Variants in SGCZ observed in about 807,000 individuals in gnomAD.
The protein encoded by SGCZ is sarcoglycan zeta, also known as zeta-sarcoglycan.
Under a neutral mutation model 41.3 loss-of-function variants are expected in SGCZ, and 40 were observed. The ratio of observed to expected loss-of-function variants is 0.97; its 90% CI spans 0.75 to 1.26. The LOEUF is 1.26. Among genes scored for constraint, SGCZ ranks in the 50% most tolerant of loss-of-function variants. SGCZ has a pLI of 0.00. For missense variants in SGCZ, 552 were observed against 369.8 expected, an observed-to-expected ratio of 1.49 and a Z score of -4.04; for synonymous variants, 206 against 137.5, an observed-to-expected ratio of 1.50 and a Z score of -3.49.
At chr8:15,012,726 A>G (rs1802885358) in intron 1 of SGCZ, among the ~76,000 whole-genome samples, 1 of 145,804 alleles carries the variant, frequency 6.9e-6, no homozygotes, top group South Asian at 2.1e-4. Flanking sequence ...AAAGAGAAAT[A>G]TATAAAATAT....
intron 1 of SGCZ, among the ~76,000 whole-genome samples, chr8:14,821,877 A>G (rs1447488150): frequency 1.3e-5 from 2 of 152,148 alleles, no homozygotes; most frequent in Non-Finnish European, 2.9e-5. Context: ...GAAAAAGTCT[A>G]CAGTTTTCAC....
At chr8:15,188,255 TCAG>T (rs1800412302) in intron 1 of SGCZ, among the ~76,000 whole-genome samples, 1 of 152,098 alleles carries the variant, frequency 6.6e-6, no homozygotes, top group Admixed American at 6.5e-5. Context: ...ATTAGTGTGA[TCAG>T]CAGATTACAT....
intron 1 of SGCZ, among the ~76,000 whole-genome samples, chr8:14,646,214 T>C (rs1201320475): frequency 6.7e-6 from 1 of 148,844 alleles, no homozygotes; most frequent in African/African-American, 2.5e-5. Flanking sequence ...CTCCCCCTTC[T>C]CTAGTAGTTG....
intron 3 of SGCZ, among the ~76,000 whole-genome samples, chr8:14,270,813 T>C (rs1800032388): frequency 6.6e-6 from 1 of 152,012 alleles, no homozygotes; most frequent in South Asian, 2.1e-4. Context: ...CCAACAATGA[T>C]ATAGACTGGA....
intron 1 of SGCZ, among the ~76,000 whole-genome samples, chr8:15,076,134 C>T (rs1805521706): frequency 6.6e-6 from 1 of 152,052 alleles, no homozygotes; most frequent in South Asian, 2.1e-4. Flanking sequence ...AATTTAAACA[C>T]ATTACAAAAT....
chr8:14,246,381 G>A (rs1461941415), intron 3 of SGCZ, among the ~76,000 whole-genome samples: 3 of 151,828 alleles, frequency 2.0e-5, no homozygotes, highest in African/African-American at 4.8e-5. Context: ...TCACTCATAG[G>A]TGGGAATTGA....
At chr8:14,606,373 T>C (rs1383851219) in intron 1 of SGCZ, among the ~76,000 whole-genome samples, 1 of 152,198 alleles carries the variant, frequency 6.6e-6, no homozygotes, top group Non-Finnish European at 1.5e-5. Flanking sequence ...CCACAATGGC[T>C]TTGTAATTAG....
intron 2 of SGCZ, among the ~76,000 whole-genome samples, chr8:14,354,369 G>T (rs769518302): frequency 6.6e-5 from 10 of 151,678 alleles, no homozygotes; most frequent in Admixed American, 2.0e-4. Context: ...GCGTAGAAAA[G>T]AATTTTTTAA....
At chr8:14,366,102 C>A (rs1373111759) in intron 2 of SGCZ, among the ~76,000 whole-genome samples, 1 of 152,108 alleles carries the variant, frequency 6.6e-6, no homozygotes, top group Non-Finnish European at 1.5e-5. Flanking sequence ...ATAAATGCCA[C>A]TAGAGTCTTC....
At chr8:14,873,023 G>A in intron 1 of SGCZ, among the ~76,000 whole-genome samples, 1 of 152,140 alleles carries the variant, frequency 6.6e-6, no homozygotes, top group East Asian at 1.9e-4. Flanking sequence ...TGGTTCCAGA[G>A]AGTCAAGCAG....
At chr8:15,163,714 C>G (rs990794560) in intron 1 of SGCZ, among the ~76,000 whole-genome samples, 4 of 152,176 alleles carry the variant, frequency 2.6e-5, no homozygotes, top group Non-Finnish European at 4.4e-5. Context: ...CTGGAGGATT[C>G]TTATAACTCT....
chr8:14,995,863 T>C (rs959885961), intron 1 of SGCZ, among the ~76,000 whole-genome samples: 1 of 152,160 alleles, frequency 6.6e-6, no homozygotes, highest in African/African-American at 2.4e-5. Flanking sequence ...TCCTATGCTT[T>C]TATGGCATCC....
intron 1 of SGCZ, among the ~76,000 whole-genome samples, chr8:14,679,988 G>T (rs371814327): frequency 1.2e-4 from 19 of 152,146 alleles, no homozygotes; most frequent in African/African-American, 4.6e-4. Context: ...TGTAACTCAG[G>T]CTACACCATG....
At chr8:14,198,835 T>C (rs1170776199) in intron 4 of SGCZ, among the ~76,000 whole-genome samples, 1 of 152,172 alleles carries the variant, frequency 6.6e-6, no homozygotes, top group African/African-American at 2.4e-5. Flanking sequence ...GAACATACAT[T>C]GTGAAGATTT....
At chr8:14,883,463 T>G (rs1563337255) in intron 1 of SGCZ, among the ~76,000 whole-genome samples, 1 of 152,040 alleles carries the variant, frequency 6.6e-6, no homozygotes, top group Non-Finnish European at 1.5e-5. Context: ...TGAGTTTCAG[T>G]GCTTAAAAAA....
chr8:14,619,427 A>C (rs1806211961), intron 1 of SGCZ, among the ~76,000 whole-genome samples: 1 of 151,372 alleles, frequency 6.6e-6, no homozygotes, highest in South Asian at 2.1e-4. Flanking sequence ...ATAATGTTGG[A>C]AGTTCTGGCC....
At chr8:14,215,258 ACTAT>A (rs761723944) in intron 4 of SGCZ, among the ~76,000 whole-genome samples, 4 of 152,336 alleles carry the variant, frequency 2.6e-5, no homozygotes, top group Middle Eastern at 3.4e-3. Flanking sequence ...ACATTTCTAA[ACTAT>A]CTATAGACAA....
chr8:15,021,865 T>C (rs1803261829), intron 1 of SGCZ, among the ~76,000 whole-genome samples: 1 of 152,212 alleles, frequency 6.6e-6, no homozygotes, highest in South Asian at 2.1e-4. Flanking sequence ...CCTCCTGGAA[T>C]GCCCTTGCTA....
At chr8:14,458,685 C>G (rs569797409) in intron 2 of SGCZ, among the ~76,000 whole-genome samples, 1 of 152,070 alleles carries the variant, frequency 6.6e-6, no homozygotes, top group Admixed American at 6.6e-5. Context: ...AGTAGTATCT[C>G]TATCTATCTA....
Sources: gnomAD v4.1 joint callset for allele counts (sites outside exome capture counted in the v4.1 genomes callset) on GRCh38, gnomAD v4.1.1 for gene constraint, MANE v1.5 for transcripts, NCBI Gene and HGNC (gene_info 2026-07-23, HGNC 2026-07-21) for gene names.